Variants in GRK5 observed in about 807,000 individuals in gnomAD.
GRK5 encodes g protein-coupled receptor kinase GRK5.
A neutral mutation model predicts 78.4 loss-of-function variants in GRK5; 40 were observed. That is an observed-to-expected ratio of 0.51 (90% CI 0.40 to 0.66). The LOEUF (loss-of-function observed/expected upper bound fraction) is 0.66, where lower values mean the gene tolerates loss of function less well. GRK5 is among the 30% of genes least tolerant of loss of function. GRK5 has a pLI of 0.00. For synonymous variants in GRK5, 289 were observed against 296.8 expected, an observed-to-expected ratio of 0.97 and a Z score of 0.27; for missense variants, 598 against 759.9, an observed-to-expected ratio of 0.79 and a Z score of 2.50.
In GRK5 at chr10:119,210,198, T is replaced by G. The variant is rs79283817; in HGVS notation, c.52+2229T>G. 9.4e-4 allele frequency among the ~76,000 whole-genome samples: 143 copies of G among 152,316 alleles called. 2 individuals carry two copies. The highest frequency in any genetic ancestry group is 2.8e-3 in the Admixed American group (43 of 15,312). ...TTTTGCTGTGAGAGTTTGGTCGTCA[T>G]CTCATGGTGAGAAAATAGCTCTTGA... On this transcript the variant is annotated intron_variant, in intron 1 of 15. Coordinates refer to ENST00000392870, the MANE Select transcript of GRK5 (RefSeq NM_005308.3).
intron 1 of GRK5, among the ~76,000 whole-genome samples, chr10:119,270,304 C>T (rs758701715): frequency 1.3e-5 from 2 of 152,278 alleles, no homozygotes; most frequent in East Asian, 1.9e-4. Flanking sequence ...TACAACTGAC[C>T]GCAGATTGAA....
At chr10:119,368,085 C>T (rs1164853687) in intron 2 of GRK5, among the ~76,000 whole-genome samples, 1 of 152,188 alleles carries the variant, frequency 6.6e-6, no homozygotes, top group Non-Finnish European at 1.5e-5. Flanking sequence ...CTCATAGCTC[C>T]AGGGGAAGCC....
chr10:119,446,707 T>C (rs186535123), intron 12 of GRK5, among the ~76,000 whole-genome samples: 5 of 152,342 alleles, frequency 3.3e-5, no homozygotes, highest in African/African-American at 4.8e-5. Flanking sequence ...GGGGCAACAC[T>C]GAGCGACTGA....
At chr10:119,344,065 T>C (rs370509403) in intron 2 of GRK5, among the ~76,000 whole-genome samples, 2 of 152,020 alleles carry the variant, frequency 1.3e-5, no homozygotes, top group Non-Finnish European at 2.9e-5. Context: ...AGCAGGTTTT[T>C]CTTTTTTCTT....
intron 2 of GRK5, among the ~76,000 whole-genome samples, chr10:119,346,598 T>C (rs1318984610): frequency 6.6e-5 from 10 of 152,182 alleles, no homozygotes; most frequent in Admixed American, 6.5e-4. Context: ...CTGAGGTCTC[T>C]CTGGGACATG....
intron 2 of GRK5, among the ~76,000 whole-genome samples, chr10:119,357,416 G>A (rs1026603662): frequency 1.3e-5 from 2 of 152,210 alleles, no homozygotes; most frequent in East Asian, 3.8e-4. Flanking sequence ...GGGAGCGGGG[G>A]TCAGGGAGAT....
intron 1 of GRK5, among the ~76,000 whole-genome samples, chr10:119,281,848 A>G (rs7904439): frequency 1 from 152,249 of 152,336 alleles, 76,081 homozygotes; most frequent in Non-Finnish European, 1. Flanking sequence ...TTAGCTTTGT[A>G]GATGGATTCG....
intron 5 of GRK5, 125 bp from the exon 6 acceptor site, chr10:119,424,868 C>T (rs1045581497): frequency 3.1e-5 from 22 of 702,820 alleles, no homozygotes; most frequent in South Asian, 1.1e-4. Context: ...TCTGGCCAGA[C>T]GTGCTGCATC....
chr10:119,452,480 G>A lies in GRK5; in HGVS notation c.1405-191G>A, dbSNP rs1853307155. 1.7e-6 allele frequency: 1 copy of A among 587,120 alleles called. No homozygotes were observed. Among genetic ancestry groups the A allele is most frequent in the Non-Finnish European group, 2.9e-6 (1 of 339,168 alleles). 36.4% of individuals were successfully genotyped at this position (587,120 alleles called of 1,614,324 possible). On this transcript the variant is annotated intron_variant, in intron 13 of 15. Coordinates refer to ENST00000392870, the MANE Select transcript of GRK5 (RefSeq NM_005308.3). The surrounding 1 kb of genome is among the most constrained non-coding windows in gnomAD (Gnocchi z 4.4). ...TGAGGTGGACAGGAAGCCCAGCCAA[G>A]CCACTGGGGCCGACCCCTCCCCTGG...
At chr10:119,231,706 C>CAA (rs797013887) in intron 1 of GRK5, among the ~76,000 whole-genome samples, 5 of 60,620 alleles carry the variant, frequency 8.2e-5, no homozygotes, top group Admixed American at 1.7e-4. Flanking sequence ...GACTCTGCCT[C>CAA]AAAAAAAAAA....
chr10:119,454,260 C>T (rs1265942330), intron 15 of GRK5, among the ~76,000 whole-genome samples: 1 of 152,220 alleles, frequency 6.6e-6, no homozygotes, highest in Non-Finnish European at 1.5e-5. Context: ...ACCATGGAGT[C>T]TCACAGACCC....
chr10:119,300,067 C>G (rs1850149617), intron 1 of GRK5, among the ~76,000 whole-genome samples: 1 of 152,120 alleles, frequency 6.6e-6, no homozygotes, highest in South Asian at 2.1e-4. Context: ...TGGCATCAAG[C>G]ATTCCCTGCA....
chr10:119,449,612 G>A (rs1247858559), intron 13 of GRK5, among the ~76,000 whole-genome samples: 2 of 151,308 alleles, frequency 1.3e-5, no homozygotes, highest in Non-Finnish European at 2.9e-5. Context: ...CCAACGTGGT[G>A]AAACCCCATC....
chr10:119,266,462 CA>C lies in GRK5; in HGVS notation c.52+58504del, dbSNP rs199781968. Among the ~76,000 whole-genome samples the C allele has an allele frequency of 8.1e-3, 1,143 of 141,820 alleles. 30 individuals are homozygous for C. The East Asian group carries it at 0.1, about 13-fold the overall frequency. The allele number at this position is 141,820 out of a possible 152,430, so 93.0% of individuals were successfully genotyped here. ...TGGGCAACAGAGCTAGACTCCGTCT[CA>C]AAAAAAAAAAGAAATGATGCTGGTT... On this transcript the variant is annotated intron_variant, in intron 1 of 15. Transcript: ENST00000392870.
chr10:119,427,329 CCTT>C lies in GRK5; in HGVS notation c.533+2246_533+2248del, dbSNP rs879725861. Among the ~76,000 whole-genome samples, 698 of 148,066 alleles carry C rather than the reference CCTT, an allele frequency of 4.7e-3. 1 individual carries two copies. Among genetic ancestry groups the C allele is most frequent in the African/African-American group, 5.9e-3 (235 of 40,146 alleles). ...ATCACTGCCATCAACAGCATCACTG[CCTT>C]CATCAACATCACCACCATCATCAGC... is the stretch of plus-strand genomic sequence containing the variant. On this transcript the variant is annotated intron_variant, in intron 6 of 15. Coordinates refer to ENST00000392870, the MANE Select transcript of GRK5 (RefSeq NM_005308.3).
At chr10:119,209,200 T>C (rs1848440311) in intron 1 of GRK5, among the ~76,000 whole-genome samples, 1 of 152,166 alleles carries the variant, frequency 6.6e-6, no homozygotes, top group African/African-American at 2.4e-5. Context: ...CCCTACACAC[T>C]GTGGGGGTAG....
intron 1 of GRK5, among the ~76,000 whole-genome samples, chr10:119,277,285 T>A (rs1360711469): frequency 6.6e-6 from 1 of 152,070 alleles, no homozygotes; most frequent in Non-Finnish European, 1.5e-5. Flanking sequence ...CCTGGCTGAC[T>A]GCGTGAACTT....
rs1848406648 is a variant in GRK5, at chr10:119,207,653, T to TGGGGGGGAGCGTGTTGAGGG, written c.-264_-245dup. On this transcript the variant is annotated 5_prime_UTR_variant, in exon 1 of 16. Transcript: ENST00000392870. ...ACAGAGACACGCGGAGGGTGGGGGG[T>TGGGGGGGAGCGTGTTGAGGG]GGGGGGGAGCGTGTTGAGGGAGGGG... The TGGGGGGGAGCGTGTTGAGGG allele has an allele frequency of 6.3e-6, 1 of 158,872 alleles. No homozygotes were observed. The highest frequency in any genetic ancestry group is 1.0e-5 in the Non-Finnish European group (1 of 95,440). The allele number at this position is 158,872 out of a possible 1,614,324, so 9.8% of individuals were successfully genotyped here. A position where few individuals can be genotyped will look rare whatever the true frequency, so the allele number is the denominator to read the frequency against.
chr10:119,249,605 C>T (rs1053718951), intron 1 of GRK5, among the ~76,000 whole-genome samples: 1 of 152,128 alleles, frequency 6.6e-6, no homozygotes, highest in African/African-American at 2.4e-5. Flanking sequence ...TCAAGCAATT[C>T]TCTTGTCTCA....
Sources: allele counts gnomAD v4.1 joint callset (sites outside exome capture counted in the v4.1 genomes callset), GRCh38; gene constraint gnomAD v4.1.1; non-coding constraint Gnocchi (gnomAD v3.1); transcripts MANE v1.5; gene names NCBI Gene and HGNC (gene_info 2026-07-23, HGNC 2026-07-21).